RUNDC3B: variants seen among roughly 807,000 people sequenced by gnomAD.
The protein encoded by RUNDC3B is RUN domain-containing protein 3B.
A neutral mutation model predicts 58.4 loss-of-function variants in RUNDC3B; 33 were observed. That is an observed-to-expected ratio of 0.56 (90% confidence interval 0.43 to 0.75). The LOEUF (loss-of-function observed/expected upper bound fraction) is 0.75. Among genes scored for constraint, RUNDC3B ranks in the 30% least tolerant of loss-of-function variants. RUNDC3B has a pLI of 0.00. For missense variants in RUNDC3B, 501 were observed against 535.7 expected, an observed-to-expected ratio of 0.94 and a Z score of 0.64; for synonymous variants, 193 against 195.2, an observed-to-expected ratio of 0.99 and a Z score of 0.10.
intron 4 of RUNDC3B, among the ~76,000 whole-genome samples, chr7:87,715,355 ATAAT>A (rs1228953016): frequency 5.0e-5 from 6 of 119,046 alleles, no homozygotes; most frequent in Non-Finnish European, 9.8e-5. Flanking sequence ...ATAATTATAT[ATAAT>A]TAATTTATAA....
intron 4 of RUNDC3B, among the ~76,000 whole-genome samples, chr7:87,738,263 C>G (rs1657369429): frequency 1.3e-5 from 2 of 151,934 alleles, no homozygotes; most frequent in Admixed American, 1.3e-4. Flanking sequence ...GTTATTGGAC[C>G]AGGGACAAAG....
chr7:87,828,513 G>T (rs980592271), intron 10 of RUNDC3B, among the ~76,000 whole-genome samples: 1 of 152,104 alleles, frequency 6.6e-6, no homozygotes, highest in African/African-American at 2.4e-5. Flanking sequence ...TTAAGATAAT[G>T]GCCTCTAGTT....
At chr7:87,775,717 A>C (rs1391565505) in intron 7 of RUNDC3B, among the ~76,000 whole-genome samples, 1 of 152,032 alleles carries the variant, frequency 6.6e-6, no homozygotes, top group Non-Finnish European at 1.5e-5. Flanking sequence ...TCCCTTTTCT[A>C]TGTTTAGATA....
intron 2 of RUNDC3B, chr7:87,694,079 C>T: frequency 6.6e-7 from 1 of 1,512,214 alleles, no homozygotes; most frequent in South Asian, 1.3e-5. Context: ...TTTTGTAAAG[C>T]CTTCTTTTTT....
chr7:87,681,934 C>T (rs77394523), intron 2 of RUNDC3B, among the ~76,000 whole-genome samples: 2,048 of 152,310 alleles, frequency 0.013, 45 homozygotes, highest in African/African-American at 0.047. Context: ...TATTTGGTAG[C>T]GTTCTACCCA....
At chr7:87,685,956 C>A (rs1827415801) in intron 2 of RUNDC3B, among the ~76,000 whole-genome samples, 1 of 152,104 alleles carries the variant, frequency 6.6e-6, no homozygotes, top group Non-Finnish European at 1.5e-5. Context: ...GTCACAGAGC[C>A]CAGTAAAAAG....
intron 2 of RUNDC3B, among the ~76,000 whole-genome samples, chr7:87,658,295 A>G (rs1387920887): frequency 6.6e-6 from 1 of 152,228 alleles, no homozygotes. Flanking sequence ...TGGGAGTTAC[A>G]GTGGAAAGAA....
At chr7:87,714,289 TGGTCCCAC>T (rs1257578726) in intron 4 of RUNDC3B, among the ~76,000 whole-genome samples, 2 of 152,202 alleles carry the variant, frequency 1.3e-5, no homozygotes, top group Non-Finnish European at 2.9e-5. Context: ...CACTACCTTC[TGGTCCCAC>T]GGTGCCAACA....
chr7:87,782,813 C>G (rs946363850), intron 8 of RUNDC3B, among the ~76,000 whole-genome samples: 1 of 152,082 alleles, frequency 6.6e-6, no homozygotes, highest in Non-Finnish European at 1.5e-5. Flanking sequence ...TTTTCTTCCA[C>G]TGTGGTCCAC....
At chr7:87,710,456 A>G in intron 3 of RUNDC3B, 114 bp from the exon 4 acceptor site, 3 of 635,570 alleles carry the variant, frequency 4.7e-6, no homozygotes, top group Admixed American at 3.2e-5. Flanking sequence ...CTTAGTCGTT[A>G]TCAAATGTAT....
chr7:87,778,045 A>G, intron 8 of RUNDC3B, 90 bp downstream of exon 8: 1 of 1,066,052 alleles, frequency 9.4e-7, no homozygotes, highest in Non-Finnish European at 1.4e-6. Flanking sequence ...ATTCCAAGAA[A>G]TCTTATTGCC....
At chr7:87,681,112 A>C (rs1826888105) in intron 2 of RUNDC3B, among the ~76,000 whole-genome samples, 1 of 150,628 alleles carries the variant, frequency 6.6e-6, no homozygotes, top group Non-Finnish European at 1.5e-5. Flanking sequence ...ATTTCTTGAA[A>C]GACAAATCCT....
At chr7:87,640,192 G>GTA (rs772972684) in intron 1 of RUNDC3B, among the ~76,000 whole-genome samples, 2,330 of 145,408 alleles carry the variant, frequency 0.016, 44 homozygotes, top group African/African-American at 0.044. Flanking sequence ...ATATATATGT[G>GTA]TATATATATA....
intron 6 of RUNDC3B, among the ~76,000 whole-genome samples, chr7:87,753,000 C>T (rs901514692): frequency 2.6e-5 from 4 of 152,074 alleles, no homozygotes; most frequent in Non-Finnish European, 5.9e-5. Context: ...CCTGCTTTCT[C>T]TTGTGGTCAT....
At chr7:87,763,543 A>T (rs1263533012) in intron 6 of RUNDC3B, among the ~76,000 whole-genome samples, 1 of 151,672 alleles carries the variant, frequency 6.6e-6, no homozygotes, top group African/African-American at 2.4e-5. Context: ...TCCTTGTATG[A>T]CAGGGGTTTT....
chr7:87,771,400 T>A (rs1048220723), intron 7 of RUNDC3B, among the ~76,000 whole-genome samples: 1 of 152,120 alleles, frequency 6.6e-6, no homozygotes, highest in Non-Finnish European at 1.5e-5. Context: ...TTAGAAAATA[T>A]TTTTAAATCC....
intron 3 of RUNDC3B, among the ~76,000 whole-genome samples, chr7:87,710,027 G>A (rs1829927124): frequency 6.6e-6 from 1 of 152,004 alleles, no homozygotes; most frequent in South Asian, 2.1e-4. Context: ...AGAATTCTCT[G>A]GGGACACCCA....
chr7:87,671,745 A>G (rs1825843378), intron 2 of RUNDC3B, among the ~76,000 whole-genome samples: 1 of 152,170 alleles, frequency 6.6e-6, no homozygotes, highest in African/African-American at 2.4e-5. Flanking sequence ...TTGGTAGAGC[A>G]GCTGTTCCGT....
At chr7:87,675,647 C>T (rs1585069307) in intron 2 of RUNDC3B, among the ~76,000 whole-genome samples, 1 of 54,700 alleles carries the variant, frequency 1.8e-5, no homozygotes, top group African/African-American at 9.8e-5. Context: ...ACTGAATATT[C>T]ACATGCAAAA....
Sources: gnomAD v4.1 joint callset for allele counts (sites outside exome capture counted in the v4.1 genomes callset) on GRCh38, gnomAD v4.1.1 for gene constraint, MANE v1.5 for transcripts, NCBI Gene and HGNC (gene_info 2026-07-23, HGNC 2026-07-21) for gene names.